Variants in TRDN observed in about 807,000 individuals in gnomAD.
TRDN encodes triadin, also known as triadin in skeletal muscle.
A neutral mutation model predicts 149.7 loss-of-function variants in TRDN; 161 were observed. The ratio of observed to expected loss-of-function variants is 1.08; its 90% CI spans 0.95 to 1.23. The LOEUF (loss-of-function observed/expected upper bound fraction) is 1.23. TRDN is among the 50% of genes most tolerant of loss of function. The probability of loss-of-function intolerance (pLI) is 0.00; values close to 1 mark genes in which losing one functional copy is unlikely to be tolerated. For missense variants in TRDN, 896 were observed against 823.5 expected (o/e 1.09, Z -1.08); for synonymous variants, 294 against 250.5 (o/e 1.17, Z -1.64).
chr6:123,627,231 C>A (rs139132687), intron 1 of TRDN, among the ~76,000 whole-genome samples: 1 of 152,000 alleles, frequency 6.6e-6, no homozygotes, highest in Non-Finnish European at 1.5e-5. Context: ...GCCTGGCCCA[C>A]AAAATGTATT....
intron 12 of TRDN, among the ~76,000 whole-genome samples, chr6:123,410,586 G>A (rs1245627870): frequency 6.6e-6 from 1 of 152,052 alleles, no homozygotes; most frequent in East Asian, 1.9e-4. Flanking sequence ...ATTTATGACA[G>A]CAACAGCAAC....
intron 1 of TRDN, among the ~76,000 whole-genome samples, chr6:123,582,991 A>T (rs1356807712): frequency 1.3e-5 from 2 of 152,192 alleles, no homozygotes; most frequent in African/African-American, 4.8e-5. Flanking sequence ...CCTGGATAAC[A>T]GTTTTGTATG....
intron 21 of TRDN, among the ~76,000 whole-genome samples, chr6:123,348,218 TA>T (rs753727199): frequency 1.6e-4 from 25 of 152,066 alleles, no homozygotes; most frequent in Non-Finnish European, 3.7e-4. Flanking sequence ...TAGCTTGTAA[TA>T]TATCATTGGT....
intron 1 of TRDN, among the ~76,000 whole-genome samples, chr6:123,616,940 A>G (rs1785119194): frequency 1.3e-5 from 2 of 152,198 alleles, no homozygotes; most frequent in South Asian, 4.1e-4. Flanking sequence ...AAGGATTAGA[A>G]TTCCTAGACA....
intron 38 of TRDN, among the ~76,000 whole-genome samples, chr6:123,233,445 A>T (rs564269421): frequency 1.8e-4 from 27 of 152,204 alleles, no homozygotes; most frequent in Non-Finnish European, 3.5e-4. Context: ...GGAGTGTTCA[A>T]TGAATGTATG....
At chr6:123,353,671 G>GA (rs1343475069) in intron 20 of TRDN, among the ~76,000 whole-genome samples, 1 of 150,530 alleles carries the variant, frequency 6.6e-6, no homozygotes, top group Non-Finnish European at 1.5e-5. Context: ...GGGAGGGAGG[G>GA]AAAAAAAGGA....
chr6:123,599,957 A>G lies in TRDN; in HGVS notation c.23-28825T>C, dbSNP rs193282695. ...GAATACCCTTTTTGCACATATTGGCATATTATATTGCAATTGCCTGTTTAT... is the reference window on the plus strand; with the variant it reads ...GAATACCCTTTTTGCACATATTGGCGTATTATATTGCAATTGCCTGTTTAT... On this transcript the variant is annotated intron_variant, in intron 1 of 40. Transcript: ENST00000334268. Among the ~76,000 whole-genome samples, 55 of 151,774 alleles carry G rather than the reference A, an allele frequency of 3.6e-4. No individual in the cohort carries two copies. In the East Asian group the frequency reaches 9.9e-3, roughly 27 times the overall value.
chr6:123,308,060 T>G (rs1406977362), intron 24 of TRDN, among the ~76,000 whole-genome samples: 1 of 152,016 alleles, frequency 6.6e-6, no homozygotes, highest in Non-Finnish European at 1.5e-5. Context: ...GCCATCTTTA[T>G]GTCCATGAGT....
At chr6:123,499,719 A>AAAAAAAAAATATATATATATAT in intron 8 of TRDN, among the ~76,000 whole-genome samples, 1 of 47,684 alleles carries the variant, frequency 2.1e-5, no homozygotes, top group Non-Finnish European at 4.5e-5. Context: ...AAAAAAAAAA[A>AAAAAAAAAATATATATATATAT]ATATATATAT....
chr6:123,560,005 A>T (rs1781894577), intron 2 of TRDN, among the ~76,000 whole-genome samples: 1 of 152,134 alleles, frequency 6.6e-6, no homozygotes, highest in African/African-American at 2.4e-5. Flanking sequence ...TCACAGACAG[A>T]CCCCATGACT....
At chr6:123,231,927 G>A (rs1162225696) in intron 38 of TRDN, among the ~76,000 whole-genome samples, 2 of 152,162 alleles carry the variant, frequency 1.3e-5, no homozygotes, top group Non-Finnish European at 2.9e-5. Context: ...TATGGAGAGG[G>A]TAGAAGGATA....
At chr6:123,453,550 A>G (rs1037308617) in intron 10 of TRDN, among the ~76,000 whole-genome samples, 1 of 152,136 alleles carries the variant, frequency 6.6e-6, no homozygotes, top group Non-Finnish European at 1.5e-5. Context: ...AATCAAAACC[A>G]CAATGAAACA....
chr6:123,257,643 T>C (rs1306792567), intron 35 of TRDN, among the ~76,000 whole-genome samples: 4 of 152,222 alleles, frequency 2.6e-5, no homozygotes, highest in South Asian at 2.1e-4. Flanking sequence ...TTTGGTTCCA[T>C]ATGAAATTTA....
At chr6:123,343,632 G>T (rs183859773) in intron 21 of TRDN, among the ~76,000 whole-genome samples, 3 of 151,886 alleles carry the variant, frequency 2.0e-5, no homozygotes, top group Non-Finnish European at 2.9e-5. Context: ...CTAATTCTTC[G>T]AGATTTCCGT....
At chr6:123,443,242 A>C (rs1026769833) in intron 10 of TRDN, among the ~76,000 whole-genome samples, 44 of 149,356 alleles carry the variant, frequency 2.9e-4, no homozygotes, top group African/African-American at 9.7e-4. Flanking sequence ...TACATATTAT[A>C]TATATTTTTT....
chr6:123,497,344 G>T, intron 8 of TRDN, 92 bp from the exon 9 acceptor site: 1 of 817,276 alleles, frequency 1.2e-6, no homozygotes, highest in Non-Finnish European at 1.8e-6. Context: ...AAACAAAATA[G>T]CACAATTCTA....
At chr6:123,585,647 A>G (rs996045948) in intron 1 of TRDN, among the ~76,000 whole-genome samples, 1 of 152,116 alleles carries the variant, frequency 6.6e-6, no homozygotes, top group African/African-American at 2.4e-5. Flanking sequence ...GGTGAGTTGG[A>G]CAGTCCGATT....
chr6:123,542,684 A>C (rs1780896905), intron 4 of TRDN, among the ~76,000 whole-genome samples: 2 of 152,290 alleles, frequency 1.3e-5, no homozygotes, highest in South Asian at 4.1e-4. Context: ...TTTATTAGTA[A>C]AATAAACCAG....
chr6:123,297,436 A>C (rs578026267), intron 24 of TRDN, among the ~76,000 whole-genome samples: 2 of 152,052 alleles, frequency 1.3e-5, no homozygotes, highest in East Asian at 3.9e-4. Context: ...CCAATAGAGA[A>C]GTAGATATGA....
Sources: allele counts gnomAD v4.1 joint callset (sites outside exome capture counted in the v4.1 genomes callset), GRCh38; gene constraint gnomAD v4.1.1; transcripts MANE v1.5; gene names NCBI Gene and HGNC (gene_info 2026-07-23, HGNC 2026-07-21).